Variants in MAML3 observed in about 807,000 individuals in gnomAD.
The protein encoded by MAML3 is mastermind like transcriptional coactivator 3.
A neutral mutation model predicts 101.9 loss-of-function variants in MAML3; 27 were observed. The ratio of observed to expected loss-of-function variants is 0.27; its 90% confidence interval spans 0.20 to 0.37. The LOEUF (loss-of-function observed/expected upper bound fraction) is 0.37. Among genes scored for constraint, MAML3 ranks in the 10% least tolerant of loss-of-function variants. The pLI, the probability that MAML3 is intolerant of heterozygous loss-of-function variation, is 1.00. For synonymous variants in MAML3, 501 were observed against 555.9 expected (o/e 0.90, Z 1.39); for missense variants, 1,316 against 1,444.9 (o/e 0.91, Z 1.45).
At chr4:140,086,364 ATTTCTTTCAT>A (rs1727951702) in intron 1 of MAML3, among the ~76,000 whole-genome samples, 1 of 152,172 alleles carries the variant, frequency 6.6e-6, no homozygotes, top group Admixed American at 6.5e-5. Context: ...TCCAGTATCC[ATTTCTTTCAT>A]TTTCTTTTGT....
rs535954402 is a variant in MAML3, at chr4:139,852,856, A to G, written c.2079+36501T>C. ...CACTGACTCAGCCATTGTGAAATGG[A>G]AAGAACACCTTAGGTTTGTCTCCTT... is the stretch of plus-strand genomic sequence containing the variant. On this transcript the variant is annotated intron_variant, in intron 2 of 4. Transcript: ENST00000509479. 5.9e-5 allele frequency among the ~76,000 whole-genome samples: 9 copies of G among 152,330 alleles called. No individual in the cohort carries two copies. The East Asian group carries it at 1.7e-3, about 29-fold the overall frequency.
chr4:140,085,580 C>A (rs557805103), intron 1 of MAML3, among the ~76,000 whole-genome samples: 1 of 152,334 alleles, frequency 6.6e-6, no homozygotes, highest in African/African-American at 2.4e-5. Context: ...CGCCCTTATG[C>A]AAACCTCTTA....
chr4:139,989,882 C>CACACACACACACACACACACAG (rs1385720650), intron 1 of MAML3, among the ~76,000 whole-genome samples: 3 of 63,068 alleles, frequency 4.8e-5, no homozygotes, highest in African/African-American at 1.7e-4. Flanking sequence ...CACACACACA[C>CACACACACACACACACACACAG]AGAGAGAGAG....
chr4:140,081,368 T>C lies in MAML3; in HGVS notation c.468+71492A>G, dbSNP rs146159474. On this transcript the variant is annotated intron_variant, in intron 1 of 4. Transcript: ENST00000509479. ...CCTCATTAACTCACTGTCTTATCAC[T>C]GAGAAGAAAAATAGTATATCCAAGG... 8.3e-4 allele frequency among the ~76,000 whole-genome samples: 127 copies of C among 152,218 alleles called. 3 individuals carry two copies. The highest frequency in any genetic ancestry group is 7.0e-3 in the Admixed American group (107 of 15,280).
At chr4:139,778,750 C>T (rs1410764540) in intron 2 of MAML3, among the ~76,000 whole-genome samples, 3 of 151,918 alleles carry the variant, frequency 2.0e-5, no homozygotes, top group Non-Finnish European at 4.4e-5. Flanking sequence ...TTTGGGAGGC[C>T]GAGGTGGGTG....
chr4:140,052,786 C>T (rs187392895), intron 1 of MAML3, among the ~76,000 whole-genome samples: 4 of 152,226 alleles, frequency 2.6e-5, no homozygotes, highest in East Asian at 1.9e-4. Context: ...CCACCCATCT[C>T]GCCCTCCCAA....
At chr4:139,853,685 T>C (rs1223363800) in intron 2 of MAML3, among the ~76,000 whole-genome samples, 1 of 151,748 alleles carries the variant, frequency 6.6e-6, no homozygotes, top group Non-Finnish European at 1.5e-5. Flanking sequence ...AGTCAGAAAA[T>C]CAGAGATGTT....
At chr4:139,977,840 T>C (rs1277551263) in intron 1 of MAML3, among the ~76,000 whole-genome samples, 1 of 151,030 alleles carries the variant, frequency 6.6e-6, no homozygotes, top group Non-Finnish European at 1.5e-5. Flanking sequence ...GCCACTGCAC[T>C]CCAGCCAGGG....
intron 1 of MAML3, among the ~76,000 whole-genome samples, chr4:139,932,612 C>T (rs1733423612): frequency 6.6e-6 from 1 of 152,166 alleles, no homozygotes; most frequent in Non-Finnish European, 1.5e-5. Flanking sequence ...TATCTTTGAA[C>T]CAAGTCTTTG....
chr4:140,041,281 A>G (rs1442581344), intron 1 of MAML3, among the ~76,000 whole-genome samples: 1 of 152,086 alleles, frequency 6.6e-6, no homozygotes, highest in African/African-American at 2.4e-5. Flanking sequence ...CTCAGACTTC[A>G]TGGAGTAGGC....
At chr4:140,121,028 A>G (rs1257772577) in intron 1 of MAML3, among the ~76,000 whole-genome samples, 1 of 152,248 alleles carries the variant, frequency 6.6e-6, no homozygotes, top group African/African-American at 2.4e-5. Context: ...CTAAGTTTAC[A>G]GAAGAGTTGT....
At chr4:139,793,421 A>T (rs1042888915) in intron 2 of MAML3, among the ~76,000 whole-genome samples, 1 of 152,162 alleles carries the variant, frequency 6.6e-6, no homozygotes, top group South Asian at 2.1e-4. Flanking sequence ...CTAGTTCTCC[A>T]ATCACCAAGA....
chr4:139,905,491 CAAA>C (rs57898254), intron 1 of MAML3, among the ~76,000 whole-genome samples: 1 of 79,972 alleles, frequency 1.3e-5, no homozygotes. Context: ...GACTCTGTCT[CAAA>C]AAAAAAAAAA....
intron 1 of MAML3, among the ~76,000 whole-genome samples, chr4:140,086,210 T>C (rs1380675838): frequency 1.3e-5 from 2 of 152,230 alleles, no homozygotes. Flanking sequence ...CGGGAATAGC[T>C]GATCTGACCC....
rs148541220 is a variant in MAML3, at chr4:140,093,207, T to C, written c.468+59653A>G. 3.3e-3 allele frequency among the ~76,000 whole-genome samples: 499 copies of C among 152,320 alleles called. 3 individuals are homozygous for C. Among genetic ancestry groups the C allele is most frequent in the Middle Eastern group, 0.017 (5 of 294 alleles). On this transcript the variant is annotated intron_variant, in intron 1 of 4. Coordinates refer to ENST00000509479, the MANE Select transcript of MAML3 (RefSeq NM_018717.5). The stretch of plus-strand genomic sequence containing the variant: ...AAATTATATTTGCATTCTATTGCCA[T>C]ATTATAGACTGGTGATACATTCTAT...
chr4:139,890,838 T>A lies in MAML3; in HGVS notation c.598A>T (p.Met200Leu). 6.2e-7 allele frequency: 1 copy of A among 1,613,964 alleles called. No individual in the cohort carries two copies. The highest frequency in any genetic ancestry group is 8.5e-7 in the Non-Finnish European group (1 of 1,179,864). Residue 200 changes from methionine to leucine, a missense_variant, in exon 2 of 5, where the codon ATG becomes TTG. By Grantham distance (15) the Met-to-Leu change is conservative. Coordinates refer to ENST00000509479, the MANE Select transcript of MAML3 (RefSeq NM_018717.5). This position sits in a 1 kb window ranked among gnomAD's most constrained non-coding sequence, Gnocchi z 4.1. ...CTGGGCAAATTGTTGATGGCTTCCA[T>A]CCCCGCAGAAATGTCCTTTCGAATT... ...KRIRKDISAG[M>L]EAINNLPSNM...
chr4:139,717,067 C>T lies in MAML3; in HGVS notation c.*2256G>A, dbSNP rs764295945. 2.0e-5 allele frequency: 3 copies of T among 152,290 alleles called. No individual in the cohort carries two copies. The highest frequency in any genetic ancestry group is 7.3e-5 in the African/African-American group (3 of 41,378). 9.4% of individuals were successfully genotyped at this position (152,290 alleles called of 1,614,324 possible). On this transcript the variant is annotated 3_prime_UTR_variant, in exon 5 of 5. Transcript: ENST00000509479. Reference sequence around the variant, plus strand: ...TATATATTTATATGTATATTTTTTACAGATAGTAGACCCAGTGATATCTGC... The same window carrying T: ...TATATATTTATATGTATATTTTTTATAGATAGTAGACCCAGTGATATCTGC...
chr4:140,084,796 G>C (rs1727923420), intron 1 of MAML3, among the ~76,000 whole-genome samples: 1 of 152,070 alleles, frequency 6.6e-6, no homozygotes, highest in Admixed American at 6.5e-5. Context: ...CCTACTTTGA[G>C]GACTAACAAA....
intron 1 of MAML3, among the ~76,000 whole-genome samples, chr4:140,110,152 G>A (rs1010655815): frequency 2.6e-5 from 4 of 152,184 alleles, no homozygotes; most frequent in South Asian, 4.1e-4. Context: ...CTAGTTCAGC[G>A]ATGATCATCT....
Sources: allele counts gnomAD v4.1 joint callset (sites outside exome capture counted in the v4.1 genomes callset), GRCh38; gene constraint gnomAD v4.1.1; non-coding constraint Gnocchi (gnomAD v3.1); transcripts MANE v1.5; gene names NCBI Gene and HGNC (gene_info 2026-07-23, HGNC 2026-07-21).